The following TRAPPC9 variants were observed in gnomAD, a reference collection of about 807,000 sequenced individuals.
TRAPPC9 encodes IKK2 binding protein.
Under a neutral mutation model 124.0 loss-of-function variants are expected in TRAPPC9, and 83 were observed. The ratio of observed to expected loss-of-function variants is 0.67; its 90% confidence interval spans 0.56 to 0.80. The LOEUF is 0.80. TRAPPC9 is among the 30% of genes least tolerant of loss of function. TRAPPC9 has a pLI of 0.00. For synonymous variants in TRAPPC9, 638 were observed against 617.5 expected, an observed-to-expected ratio of 1.03 and a Z score of -0.49; for missense variants, 1,302 against 1,508.3, an observed-to-expected ratio of 0.86 and a Z score of 2.27.
chr8:140,157,105 C>CTTTCCATTCAGAAGCCTCCCT (rs1563804459), intron 17 of TRAPPC9, among the ~76,000 whole-genome samples: 23 of 91,188 alleles, frequency 2.5e-4, no homozygotes, highest in Middle Eastern at 6.1e-3. Flanking sequence ...AGAAGCCTCC[C>CTTTCCATTCAGAAGCCTCCCT]TTTCCATTCA....
At chr8:139,844,907 C>T (rs759488849) in intron 21 of TRAPPC9, among the ~76,000 whole-genome samples, 9 of 152,298 alleles carry the variant, frequency 5.9e-5, no homozygotes, top group Admixed American at 2.0e-4. Flanking sequence ...CCTCAGCCAC[C>T]CCCATGCTCC....
At chr8:140,004,817 C>T (rs1341395586) in intron 18 of TRAPPC9, among the ~76,000 whole-genome samples, 2 of 152,190 alleles carry the variant, frequency 1.3e-5, no homozygotes, top group South Asian at 2.1e-4. Flanking sequence ...CAAGGCCTCC[C>T]AGGGTCTAGA....
At chr8:140,297,742 G>A (rs904193615) in intron 11 of TRAPPC9, among the ~76,000 whole-genome samples, 12 of 152,220 alleles carry the variant, frequency 7.9e-5, no homozygotes, top group Non-Finnish European at 1.0e-4. Context: ...CGAGTTCAAC[G>A]TGTAAGTAAC....
intron 17 of TRAPPC9, among the ~76,000 whole-genome samples, chr8:140,218,615 C>G (rs964550524): frequency 6.6e-6 from 1 of 151,864 alleles, no homozygotes; most frequent in African/African-American, 2.4e-5. Flanking sequence ...AAGAGGCTGA[C>G]TTTATTTGGA....
intron 17 of TRAPPC9, among the ~76,000 whole-genome samples, chr8:140,031,154 G>A (rs367756399): frequency 6.6e-6 from 1 of 152,168 alleles, no homozygotes; most frequent in Non-Finnish European, 1.5e-5. Flanking sequence ...TGAGGCCCTC[G>A]AAGAGGCTTC....
In TRAPPC9 at chr8:140,451,335, G is replaced by C; in HGVS notation, c.39C>G (p.His13Gln). ...VPDYMQCAED[H>Q]QTLLVVVQPV... ...GCTGGACCACCACGAGCAGCGTCTG[G>C]TGGTCCTCAGCACACTGCATGTAGT... is the stretch of plus-strand genomic sequence containing the variant. The change falls in exon 2 of 23, where the codon CAC (histidine) becomes CAG (glutamine). Residue 13 changes from histidine (H) to glutamine (Q), a missense_variant. Around this residue, in one of 3 missense-constraint regions of TRAPPC9, gnomAD observed 657 missense variants for 811.2 expected, o/e 0.81. Coordinates refer to ENST00000438773, the MANE Select transcript of TRAPPC9 (RefSeq NM_001160372.4). 1 of 1,606,250 alleles carries C rather than the reference G, an allele frequency of 6.2e-7. No homozygotes were observed. The highest frequency in any genetic ancestry group is 8.5e-7 in the Non-Finnish European group (1 of 1,180,006).
At chr8:140,284,979 T>C (rs1444369532) in intron 13 of TRAPPC9, among the ~76,000 whole-genome samples, 1 of 152,270 alleles carries the variant, frequency 6.6e-6, no homozygotes, top group Non-Finnish European at 1.5e-5. Context: ...TATGACATGG[T>C]TTTGTCTGCT....
chr8:139,735,964 C>A (rs1334332985), intron 21 of TRAPPC9, among the ~76,000 whole-genome samples: 1 of 152,226 alleles, frequency 6.6e-6, no homozygotes, highest in Non-Finnish European at 1.5e-5. Context: ...CAGAGCCACA[C>A]CCTGTCGGAG....
At chr8:140,163,692 C>T (rs889127692) in intron 17 of TRAPPC9, among the ~76,000 whole-genome samples, 2 of 152,134 alleles carry the variant, frequency 1.3e-5, no homozygotes, top group African/African-American at 2.4e-5. Context: ...ATCCAGATTT[C>T]CCAATAGTTA....
At chr8:140,190,189 C>T (rs1391437128) in intron 17 of TRAPPC9, among the ~76,000 whole-genome samples, 2 of 152,188 alleles carry the variant, frequency 1.3e-5, no homozygotes, top group African/African-American at 2.4e-5. Context: ...GGCGCGGTAG[C>T]TCACGTCTGT....
At chr8:140,194,055 A>AACC (rs1399378750) in intron 17 of TRAPPC9, among the ~76,000 whole-genome samples, 3 of 152,188 alleles carry the variant, frequency 2.0e-5, no homozygotes, top group Non-Finnish European at 4.4e-5. Context: ...CCATCATTGT[A>AACC]ACCCTAGCGC....
chr8:139,775,434 C>T (rs868348472), intron 21 of TRAPPC9, among the ~76,000 whole-genome samples: 35 of 152,232 alleles, frequency 2.3e-4, no homozygotes, highest in Non-Finnish European at 3.4e-4. Flanking sequence ...CCCAGAAATG[C>T]TTAAGAAAAG....
At chr8:139,732,352 G>C (rs56143816) in intron 21 of TRAPPC9, 150 bp from the exon 22 acceptor site, 3 of 737,612 alleles carry the variant, frequency 4.1e-6, no homozygotes, top group Admixed American at 5.6e-5. Context: ...TGGGGACACA[G>C]ATGTGTGACC....
At chr8:139,905,488 G>A (rs540325219) in intron 20 of TRAPPC9, among the ~76,000 whole-genome samples, 23 of 152,304 alleles carry the variant, frequency 1.5e-4, no homozygotes, top group African/African-American at 3.8e-4. Flanking sequence ...GCAGGGACTC[G>A]CCCCGTGCAG....
At chr8:140,327,058 G>A (rs1162096934) in intron 9 of TRAPPC9, among the ~76,000 whole-genome samples, 1 of 152,060 alleles carries the variant, frequency 6.6e-6, no homozygotes, top group Non-Finnish European at 1.5e-5. Flanking sequence ...TCCAAGACCA[G>A]CCTGACCAAT....
intron 17 of TRAPPC9, among the ~76,000 whole-genome samples, chr8:140,140,138 C>G (rs572517449): frequency 6.6e-6 from 1 of 152,230 alleles, no homozygotes; most frequent in East Asian, 1.9e-4. Context: ...GGGAACCAGT[C>G]AAGGGCTTCT....
At chr8:139,919,681 A>C (rs1832385450) in intron 19 of TRAPPC9, among the ~76,000 whole-genome samples, 1 of 152,218 alleles carries the variant, frequency 6.6e-6, no homozygotes, top group Non-Finnish European at 1.5e-5. Flanking sequence ...CACTTCACTC[A>C]AGCTAATATC....
At chr8:140,057,958 A>C (rs879432433) in intron 17 of TRAPPC9, among the ~76,000 whole-genome samples, 1 of 152,192 alleles carries the variant, frequency 6.6e-6, no homozygotes, top group Non-Finnish European at 1.5e-5. Context: ...GTCTCCGACC[A>C]CCTGCACCAC....
At chr8:139,757,968 G>T (rs986659781) in intron 21 of TRAPPC9, among the ~76,000 whole-genome samples, 1 of 152,222 alleles carries the variant, frequency 6.6e-6, no homozygotes, top group African/African-American at 2.4e-5. Context: ...GATTAAAAAT[G>T]TGTCCCTGCC....
Sources: gnomAD v4.1 joint callset for allele counts (sites outside exome capture counted in the v4.1 genomes callset) on GRCh38, gnomAD v4.1.1 for gene constraint, gnomAD v4.1.1 regional missense constraint, MANE v1.5 for transcripts, NCBI Gene and HGNC (gene_info 2026-07-23, HGNC 2026-07-21) for gene names.